Variants in CCNT2 observed in about 807,000 individuals in gnomAD.
CCNT2 encodes the protein cyclin-T2.
A neutral mutation model predicts 70.0 loss-of-function variants in CCNT2; 18 were observed. That is an observed-to-expected ratio of 0.26 (90% CI 0.18 to 0.38). CCNT2 has a LOEUF of 0.38. CCNT2 is among the 10% of genes least tolerant of loss of function. The pLI is 1.00. For missense variants in CCNT2, 734 were observed against 890.2 expected (o/e 0.82, Z 2.23); for synonymous variants, 334 against 313.3 (o/e 1.07, Z -0.70).
At chr2:134,923,483 A>G (rs947001887) in intron 2 of CCNT2, among the ~76,000 whole-genome samples, 1 of 152,180 alleles carries the variant, frequency 6.6e-6, no homozygotes, top group African/African-American at 2.4e-5. Context: ...CAATAATCTT[A>G]TGCCCAAGAT....
chr2:134,919,448 C>T (rs1022456434), intron 1 of CCNT2, among the ~76,000 whole-genome samples: 1 of 152,140 alleles, frequency 6.6e-6, no homozygotes, highest in South Asian at 2.1e-4. Flanking sequence ...TGGCGGCTCT[C>T]TTCTACCTTG....
At chr2:134,938,259 A>G (rs1402896852) in intron 3 of CCNT2, among the ~76,000 whole-genome samples, 1 of 152,234 alleles carries the variant, frequency 6.6e-6, no homozygotes, top group Non-Finnish European at 1.5e-5. Context: ...TAAATAAAAT[A>G]AAAGGTACTT....
intron 2 of CCNT2, among the ~76,000 whole-genome samples, chr2:134,930,232 T>G (rs1403762145): frequency 2.6e-5 from 4 of 152,246 alleles, no homozygotes; most frequent in Non-Finnish European, 4.4e-5. Context: ...ACATTTCATA[T>G]AAATGGAATC....
chr2:134,948,754 G>A (rs776706278), intron 7 of CCNT2, among the ~76,000 whole-genome samples: 1 of 146,250 alleles, frequency 6.8e-6, no homozygotes. Flanking sequence ...TCACTCTGTC[G>A]CCAAGGCTGG....
intron 2 of CCNT2, among the ~76,000 whole-genome samples, chr2:134,923,901 G>T (rs1342811452): frequency 1.3e-5 from 2 of 152,152 alleles, no homozygotes; most frequent in Non-Finnish European, 2.9e-5. Flanking sequence ...TGATTTGTAA[G>T]ATTTATAAAG....
At chr2:134,944,241 A>G in intron 5 of CCNT2, 15 of 981,228 alleles carry the variant, frequency 1.5e-5, no homozygotes, top group South Asian at 9.4e-5. Context: ...TTAAGGAAAA[A>G]GGGTTAGTTT....
intron 5 of CCNT2, chr2:134,943,869 G>C (rs1270156158): frequency 1.0e-6 from 1 of 981,808 alleles, no homozygotes; most frequent in Admixed American, 6.2e-5. Flanking sequence ...TTACTACCAA[G>C]TTTTTTTAGA....
In CCNT2 at chr2:134,942,904, T is replaced by G. The variant is rs45510991; in HGVS notation, c.493+230T>G. 5.9e-4 allele frequency: 784 copies of G among 1,325,456 alleles called. 13 individuals are homozygous for G. In the East Asian group the frequency reaches 0.02, roughly 33 times the overall value. 82.1% of individuals were successfully genotyped at this position (1,325,456 alleles called of 1,614,324 possible). A position where few individuals can be genotyped will look rare whatever the true frequency, so the allele number is the denominator to read the frequency against. The stretch of plus-strand genomic sequence containing the variant: ...GGTAAGAATCTCATTTCACTAAAAC[T>G]CCGGAGGGCTTCCAAGTATTAGGAC... On this transcript the variant is annotated intron_variant, in intron 5 of 8. Transcript: ENST00000264157.
rs888035726 is a variant in CCNT2, at chr2:134,953,708, A to C, written c.1253A>C (p.Lys418Thr). 1 of 1,614,088 alleles carries C rather than the reference A, an allele frequency of 6.2e-7. No individual in the cohort carries two copies. The highest frequency in any genetic ancestry group is 1.7e-5 in the Admixed American group (1 of 60,020). ...QEYTHKAGSSKHHGPISTTPG... is the reference protein window; with the variant it reads ...QEYTHKAGSSTHHGPISTTPG... ...TATACTCATAAAGCAGGGAGCAGTA[A>C]ACACCATGGGCCAATTTCCACTACT... Residue 418 changes from lysine to threonine, a missense_variant, in exon 9 of 9, where the codon AAA (lysine) becomes ACA (threonine). Transcript: ENST00000264157.
intron 7 of CCNT2, among the ~76,000 whole-genome samples, chr2:134,948,580 A>G (rs187098869): frequency 6.6e-6 from 1 of 152,314 alleles, no homozygotes; most frequent in East Asian, 1.9e-4. Context: ...TCTGTTAATT[A>G]GGAACGTGGA....
At position 134,957,721 on chromosome 2, in the gene CCNT2, G is replaced by C. The variant is rs917547734; in HGVS notation, c.*3073G>C. 5 of 152,146 alleles carry C rather than the reference G, an allele frequency of 3.3e-5. No homozygotes were observed. Among genetic ancestry groups the C allele is most frequent in the Non-Finnish European group, 5.9e-5 (4 of 68,020 alleles). The allele number at this position is 152,146 out of a possible 1,614,324, so 9.4% of individuals were successfully genotyped here. A position where few individuals can be genotyped will look rare whatever the true frequency, so the allele number is the denominator to read the frequency against. ...CAAAAAAGTCCTGTTGTCAGCCCTA[G>C]GTTTATCTTTGAAAGCAGTTAAATG... On this transcript the variant is annotated 3_prime_UTR_variant, in exon 9 of 9. Coordinates refer to ENST00000264157, the MANE Select transcript of CCNT2 (RefSeq NM_058241.3).
chr2:134,951,575 T>A (rs1397192387), intron 7 of CCNT2, among the ~76,000 whole-genome samples: 1 of 152,142 alleles, frequency 6.6e-6, no homozygotes, highest in Non-Finnish European at 1.5e-5. Flanking sequence ...GTGTGGTGGC[T>A]CACACCTGTA....
chr2:134,936,269 AACTT>A (rs1047321420), intron 2 of CCNT2, among the ~76,000 whole-genome samples: 6 of 151,848 alleles, frequency 4.0e-5, no homozygotes, highest in South Asian at 2.1e-4. Context: ...ATGTTCAGTC[AACTT>A]ACTTAGTATG....
intron 2 of CCNT2, chr2:134,920,103 C>T (rs994727673): frequency 2.3e-6 from 1 of 431,742 alleles, no homozygotes. Context: ...CTCTGCCAGG[C>T]CTTTTAAGCT....
chr2:134,919,209 C>T (rs995846471), intron 1 of CCNT2, among the ~76,000 whole-genome samples, 197 bp downstream of exon 1: 2 of 152,120 alleles, frequency 1.3e-5, no homozygotes, highest in Non-Finnish European at 2.9e-5. Flanking sequence ...CCCAGGAATG[C>T]GGGCCAGGAG....
intron 7 of CCNT2, among the ~76,000 whole-genome samples, chr2:134,949,812 G>T (rs1682323112): frequency 8.1e-6 from 1 of 123,794 alleles, no homozygotes. Context: ...CGGGGGGGGG[G>T]TGGGGGACAG....
At chr2:134,931,938 G>C (rs1680800328) in intron 2 of CCNT2, among the ~76,000 whole-genome samples, 1 of 151,988 alleles carries the variant, frequency 6.6e-6, no homozygotes, top group South Asian at 2.1e-4. Context: ...AGAGAGAGTA[G>C]ATAGAGCCTT....
chr2:134,936,772 G>T, intron 2 of CCNT2, 69 bp from the exon 3 acceptor site: 2 of 1,428,416 alleles, frequency 1.4e-6, no homozygotes, highest in Non-Finnish European at 9.5e-7. Context: ...AAACAGAAAA[G>T]AAAAGAAAAT....
chr2:134,936,599 C>G (rs1681172244), intron 2 of CCNT2, among the ~76,000 whole-genome samples: 1 of 151,852 alleles, frequency 6.6e-6, no homozygotes, highest in Non-Finnish European at 1.5e-5. Flanking sequence ...ACTAAAAATA[C>G]AAAAATTAGC....
Sources: allele counts gnomAD v4.1 joint callset (sites outside exome capture counted in the v4.1 genomes callset), GRCh38; gene constraint gnomAD v4.1.1; transcripts MANE v1.5; gene names NCBI Gene and HGNC (gene_info 2026-07-23, HGNC 2026-07-21).